ANO7: variants seen among roughly 807,000 people sequenced by gnomAD.
ANO7 encodes the protein anoctamin-7.
In ANO7, 114 loss-of-function variants were observed where a neutral mutation model predicts 115.8. That is an observed-to-expected ratio of 0.98 (90% CI 0.85 to 1.15). The LOEUF (loss-of-function observed/expected upper bound fraction) is 1.15, where lower values mean the gene tolerates loss of function less well. Ranked by LOEUF, ANO7 falls within the 50% of genes most tolerant of loss-of-function variation. ANO7 has a pLI of 0.00. For synonymous variants in ANO7, 550 were observed against 498.2 expected (o/e 1.10, Z -1.38); for missense variants, 1,302 against 1,201.2 (o/e 1.08, Z -1.24).
chr2:241,202,681 G>C (rs1263386184), intron 8 of ANO7, among the ~76,000 whole-genome samples: 1 of 152,192 alleles, frequency 6.6e-6, no homozygotes, highest in Non-Finnish European at 1.5e-5. Context: ...CACTGACCAG[G>C]GCAGCTGCCG....
At chr2:241,224,054 T>C (rs2149281714) in intron 24 of ANO7, 43 bp from the exon 25 acceptor site, 1 of 1,613,458 alleles carries the variant, frequency 6.2e-7, no homozygotes, top group Non-Finnish European at 8.5e-7. Context: ...GGCCTGCTCC[T>C]GGCCCTAGTC....
rs1056233476 is a variant in ANO7 at position 241,196,058 on chromosome 2, A to C, written c.309+213A>C. On this transcript the variant is annotated intron_variant, in intron 4 of 24. Coordinates refer to ENST00000674324, the MANE Select transcript of ANO7 (RefSeq NM_001370694.2). ...AGGTAAACATTGATCCCTCCTGCAC[A>C]CTCAGCTCTCTCATGGAAGTCGGAG... 8 of 1,415,322 alleles carry C rather than the reference A, an allele frequency of 5.7e-6. No homozygotes were observed. The African/African-American group carries it at 8.7e-5, about 15-fold the overall frequency. The allele number at this position is 1,415,322 out of a possible 1,614,324, so 87.7% of individuals were successfully genotyped here. A position where few individuals can be genotyped will look rare whatever the true frequency, so the allele number is the denominator to read the frequency against.
intron 3 of ANO7, among the ~76,000 whole-genome samples, chr2:241,195,385 T>C (rs2068299900): frequency 6.6e-6 from 1 of 152,280 alleles, no homozygotes. Flanking sequence ...CCTGAGGTCC[T>C]TGAAGACCCC....
At position 241,212,675 on chromosome 2, in the gene ANO7, C is replaced by G. The variant is rs756607641; in HGVS notation, c.1728+49C>G. Reference sequence around the variant, plus strand: ...CTGGGGGATGAGCTGTGTGCTTCCTCTCACTTCCATTCTTCCATTCGAGCT... The same window carrying G: ...CTGGGGGATGAGCTGTGTGCTTCCTGTCACTTCCATTCTTCCATTCGAGCT... On this transcript the variant is annotated intron_variant, in intron 17 of 24. Transcript: ENST00000674324. 10 of 1,559,210 alleles carry G rather than the reference C, an allele frequency of 6.4e-6. No individual in the cohort carries two copies. The East Asian group carries it at 2.3e-4, about 35-fold the overall frequency.
At chr2:241,216,776 A>C (rs2068839193) in intron 19 of ANO7, among the ~76,000 whole-genome samples, 1 of 152,230 alleles carries the variant, frequency 6.6e-6, no homozygotes. Flanking sequence ...CCTGCAGTGC[A>C]GGGTCTGACT....
At chr2:241,235,116 C>T in the ANO7 span, 1 of 1,612,026 alleles carries the variant, frequency 6.2e-7, no homozygotes. Context: ...CCACCTCCTG[C>T]TCACCCGGTC....
At position 241,223,687 on chromosome 2, in the gene ANO7, T is replaced by G; in HGVS notation, c.2438T>G (p.Leu813Arg). 1.9e-6 allele frequency: 3 copies of G among 1,613,804 alleles called. No individual in the cohort carries two copies. The highest frequency in any genetic ancestry group is 2.5e-6 in the Non-Finnish European group (3 of 1,179,836). ...FEHVVFSVGR[L>R]LDLLVPDIPE... ...CATGTGGTTTTCTCCGTTGGCCGCCTCCTGGACCTCCTGGTGCCTGACATC... is the reference window on the plus strand; with the variant it reads ...CATGTGGTTTTCTCCGTTGGCCGCCGCCTGGACCTCCTGGTGCCTGACATC... Residue 813 changes from leucine (L) to arginine (R), a missense_variant, in exon 23 of 25, where the codon CTC becomes CGC. By Grantham distance (102) the Leu-to-Arg change is moderately radical. Transcript: ENST00000674324.
At chr2:241,230,007 C>T (rs749808353), downstream of ANO7, 3 of 1,570,984 alleles carry the variant, frequency 1.9e-6, no homozygotes, top group Admixed American at 5.3e-5. The surrounding 1 kb of genome is among the most constrained non-coding windows in gnomAD (Gnocchi z 5.0). Context: ...CCCAGCACCC[C>T]CAGCATCCCG....
At chr2:241,211,835 T>C (rs564672707) in intron 15 of ANO7, among the ~76,000 whole-genome samples, 1 of 152,316 alleles carries the variant, frequency 6.6e-6, no homozygotes, top group South Asian at 2.1e-4. Context: ...CTCTGACCCA[T>C]CCCCTGACCA....
chr2:241,218,473 C>T, intron 21 of ANO7, 92 bp downstream of exon 21: 1 of 677,854 alleles, frequency 1.5e-6, no homozygotes, highest in Non-Finnish European at 1.8e-6. Flanking sequence ...GGTGGGGAGC[C>T]GGGAGGGGCG....
chr2:241,227,922 T>C (rs1064767), downstream of ANO7: 30,671 of 152,208 alleles, frequency 0.2, 3,717 homozygotes, highest in East Asian at 0.59. Context: ...GTGGTCACCC[T>C]AGCCTATGAA....
intron 15 of ANO7, 54 bp from the exon 16 acceptor site, chr2:241,212,040 A>C (rs982637972): frequency 1.4e-6 from 2 of 1,464,494 alleles, no homozygotes; most frequent in African/African-American, 2.8e-5. Context: ...GGGGGCCCCT[A>C]GTTGGATGCT....
At chr2:241,197,554 T>C (rs1270181663) in intron 4 of ANO7, among the ~76,000 whole-genome samples, 1 of 151,262 alleles carries the variant, frequency 6.6e-6, no homozygotes, top group Admixed American at 6.6e-5. Context: ...GCCCGGCTAA[T>C]TTTTTGTAGA....
chr2:241,203,310 A>G lies in ANO7; in HGVS notation c.724-23A>G, dbSNP rs746825494. 85 of 1,499,230 alleles carry G rather than the reference A, an allele frequency of 5.7e-5. No individual in the cohort carries two copies. Among genetic ancestry groups the G allele is most frequent in the Non-Finnish European group, 7.5e-5 (84 of 1,124,620 alleles). 92.9% of individuals were successfully genotyped at this position (1,499,230 alleles called of 1,614,324 possible). The stretch of plus-strand genomic sequence containing the variant: ...GTGGGGTCAGCTGGGGGAGCCTCCC[A>G]CCCACAGGCCGCTCGCCCCCAGGGC... On this transcript the variant is annotated intron_variant, in intron 8 of 24. Transcript: ENST00000674324. This position sits in a 1 kb window ranked among gnomAD's most constrained non-coding sequence, Gnocchi z 4.8.
At chr2:241,191,281 C>T (rs1385299670) in intron 3 of ANO7, 30 bp downstream of exon 3, 1 of 1,611,734 alleles carries the variant, frequency 6.2e-7, no homozygotes, top group Non-Finnish European at 8.5e-7. Flanking sequence ...TGTACCACAC[C>T]CGTGTTGGTC....
At chr2:241,201,808 C>G (rs1317862506) in intron 7 of ANO7, among the ~76,000 whole-genome samples, 1 of 147,250 alleles carries the variant, frequency 6.8e-6, no homozygotes, top group African/African-American at 2.5e-5. Context: ...CGTGGCTGCC[C>G]AGGTAGGGGG....
chr2:241,230,059 C>T (rs1460321509), downstream of ANO7: 7 of 1,583,242 alleles, frequency 4.4e-6, no homozygotes, highest in South Asian at 1.1e-5. This position sits in a 1 kb window ranked among gnomAD's most constrained non-coding sequence, Gnocchi z 5.0. Flanking sequence ...TCTGGAAACA[C>T]AAGTGCCACC....
the ANO7 span, chr2:241,240,014 G>A: frequency 4.3e-6 from 7 of 1,614,072 alleles, no homozygotes; most frequent in African/African-American, 1.3e-5. The surrounding 1 kb of genome is among the most constrained non-coding windows in gnomAD (Gnocchi z 5.5). Flanking sequence ...AAGATGACAC[G>A]TGCTCCAGTG....
intron 9 of ANO7, among the ~76,000 whole-genome samples, chr2:241,204,344 A>G (rs868783823): frequency 6.9e-6 from 1 of 144,626 alleles, no homozygotes; most frequent in Non-Finnish European, 1.5e-5. Context: ...GACTAGCCCT[A>G]TGGGAGGCAG....
Sources: gnomAD v4.1 joint callset for allele counts (sites outside exome capture counted in the v4.1 genomes callset) on GRCh38, gnomAD v4.1.1 for gene constraint, Gnocchi (gnomAD v3.1) non-coding constraint, MANE v1.5 for transcripts, NCBI Gene and HGNC (gene_info 2026-07-23, HGNC 2026-07-21) for gene names.